The following CIMAP1A variants were observed in gnomAD, a reference collection of about 807,000 sequenced individuals.
The protein encoded by CIMAP1A is ciliary microtubule associated protein 1A.
chr11:199,461 A>AG, the CIMAP1A span: 1 of 1,562,888 alleles, frequency 6.4e-7, no homozygotes, highest in Non-Finnish European at 8.7e-7. Flanking sequence ...TGGAGCCCCC[A>AG]GGGGACAAGA....
At chr11:197,085 C>T in the CIMAP1A span, 2 of 447,778 alleles carry the variant, frequency 4.5e-6, no homozygotes, top group Non-Finnish European at 8.0e-6. Flanking sequence ...CTCTGGGTTA[C>T]AGTTAAGCTG....
At chr11:198,131 C>T in the CIMAP1A span, 10 of 1,571,516 alleles carry the variant, frequency 6.4e-6, no homozygotes, top group African/African-American at 1.1e-4. Context: ...GGGAGTCCTC[C>T]TTGAGCCCCC....
the CIMAP1A span, chr11:198,260 C>G: frequency 4.3e-6 from 7 of 1,614,114 alleles, no homozygotes; most frequent in East Asian, 1.3e-4. Flanking sequence ...GCCACTCCAT[C>G]TCTGCCCGGA....
chr11:198,471 T>C, the CIMAP1A span: 2,212 of 1,613,112 alleles, frequency 1.4e-3, 1 homozygote, highest in Non-Finnish European at 1.7e-3. Flanking sequence ...CAGGCCCCGC[T>C]GCGTACATGC....
At chr11:198,300 G>A in the CIMAP1A span, 3 of 1,613,798 alleles carry the variant, frequency 1.9e-6, no homozygotes, top group Admixed American at 1.7e-5. Flanking sequence ...CAGCACCCCA[G>A]GTCCGCAGCA....
At chr11:198,978 C>A in the CIMAP1A span, 1 of 1,190,186 alleles carries the variant, frequency 8.4e-7, no homozygotes, top group Non-Finnish European at 1.0e-6. Flanking sequence ...TGGCACATGC[C>A]TGAGAGCTTG....
the CIMAP1A span, chr11:199,606 A>C: frequency 8.0e-7 from 1 of 1,254,164 alleles, no homozygotes; most frequent in Non-Finnish European, 1.0e-6. Flanking sequence ...TGGGACACAG[A>C]CGAGGGGAAA....
At chr11:200,094 G>C in the CIMAP1A span, 9 of 1,570,100 alleles carry the variant, frequency 5.7e-6, no homozygotes, top group Non-Finnish European at 7.8e-6. Context: ...GGGCCACAGA[G>C]CTCGAGGCTG....
At chr11:199,472 C>T in the CIMAP1A span, 1 of 1,561,432 alleles carries the variant, frequency 6.4e-7, no homozygotes. Flanking sequence ...GGGGACAAGA[C>T]CCTCAAGCCA....
the CIMAP1A span, chr11:199,972 T>A: frequency 6.2e-7 from 1 of 1,614,122 alleles, no homozygotes. Flanking sequence ...TGCGCCCCAG[T>A]TGTCACCTTC....
At chr11:197,221 G>T in the CIMAP1A span, 1 of 919,288 alleles carries the variant, frequency 1.1e-6, no homozygotes, top group South Asian at 1.7e-5. Flanking sequence ...GCAAGAGCAG[G>T]GTCGGGGACA....
the CIMAP1A span, chr11:197,509 G>T: frequency 6.2e-7 from 1 of 1,600,248 alleles, no homozygotes; most frequent in Admixed American, 1.7e-5. Context: ...ACTCCCAGCG[G>T]GGAGAAGGGC....
chr11:199,240 G>T, the CIMAP1A span: 1 of 1,482,106 alleles, frequency 6.7e-7, no homozygotes. Context: ...GAAGACAGAA[G>T]GGGACCTTGA....
the CIMAP1A span, chr11:198,503 A>G: frequency 6.2e-7 from 1 of 1,613,204 alleles, no homozygotes. Context: ...ATGGGGCCCA[A>G]TACCGTCGGC....
At chr11:197,577 G>A in the CIMAP1A span, 186 of 1,613,020 alleles carry the variant, frequency 1.2e-4, no homozygotes, top group Non-Finnish European at 1.4e-4. Flanking sequence ...TGAAGCACAC[G>A]CCCACCAAGC....
the CIMAP1A span, chr11:197,291 G>A: frequency 1.2e-3 from 1,823 of 1,553,016 alleles, 20 homozygotes; most frequent in African/African-American, 0.021. Context: ...TCTCACTTAC[G>A]GACAGAGCTG....
chr11:198,370 G>A, the CIMAP1A span: 1 of 1,613,332 alleles, frequency 6.2e-7, no homozygotes, highest in Non-Finnish European at 8.5e-7. Context: ...GTGACATGGG[G>A]CAGCCCGACG....
At chr11:197,507 CGG>C in the CIMAP1A span, 2 of 1,595,956 alleles carry the variant, frequency 1.3e-6, no homozygotes, top group Non-Finnish European at 8.6e-7. Flanking sequence ...TGACTCCCAG[CGG>C]GGAGAAGGGC....
the CIMAP1A span, chr11:198,787 C>T: frequency 1.8e-5 from 25 of 1,428,326 alleles, no homozygotes; most frequent in Non-Finnish European, 2.3e-5. Flanking sequence ...GGGAGACGCC[C>T]TGGCCCCAGC....
Sources: gnomAD v4.1 joint callset for allele counts on GRCh38, gnomAD v4.1.1 for gene constraint, MANE v1.5 for transcripts, NCBI Gene and HGNC (gene_info 2026-07-23, HGNC 2026-07-21) for gene names.